Variants in INTS8 observed in about 807,000 individuals in gnomAD.
INTS8 encodes integrator complex subunit 8, also known as protein kaonashi-1.
A neutral mutation model predicts 138.9 loss-of-function variants in INTS8; 47 were observed. The ratio of observed to expected loss-of-function variants is 0.34; its 90% CI spans 0.27 to 0.43. INTS8 has a LOEUF of 0.43. Ranked by LOEUF, INTS8 falls within the 20% of genes least tolerant of loss-of-function variation. INTS8 has a pLI of 1.00. For synonymous variants in INTS8, 392 were observed against 400.9 expected, an observed-to-expected ratio of 0.98 and a Z score of 0.27; for missense variants, 996 against 1,173.0, an observed-to-expected ratio of 0.85 and a Z score of 2.20.
chr8:94,871,181 T>C (rs529944872), intron 20 of INTS8, among the ~76,000 whole-genome samples: 11 of 151,904 alleles, frequency 7.2e-5, no homozygotes, highest in Non-Finnish European at 1.5e-4. Flanking sequence ...TAAAAATCAT[T>C]TGGGGGCCAG....
chr8:94,834,977 T>G (rs557934761), intron 6 of INTS8, among the ~76,000 whole-genome samples: 5 of 152,308 alleles, frequency 3.3e-5, no homozygotes, highest in Admixed American at 2.6e-4. Flanking sequence ...GTATCTCATG[T>G]GAATGGGGAC....
Position 94,860,849 on chromosome 8 carries a change from A to G in INTS8, c.2076+1217A>G, listed in dbSNP as rs182481743. ...GACGGGCAGATCACGAGGTCAGGAG[A>G]TGGAGACCATCCTGGCTAACAAGGT... On this transcript the variant is annotated intron_variant, in intron 16 of 26. Coordinates refer to ENST00000523731, the MANE Select transcript of INTS8 (RefSeq NM_017864.4). 7.2e-3 allele frequency among the ~76,000 whole-genome samples: 1,089 copies of G among 151,786 alleles called. 17 individuals carry two copies. Among genetic ancestry groups the G allele is most frequent in the Non-Finnish European group, 8.6e-3 (581 of 67,920 alleles).
chr8:94,849,135 G>A (rs1739399456), intron 10 of INTS8, among the ~76,000 whole-genome samples: 1 of 151,794 alleles, frequency 6.6e-6, no homozygotes, highest in South Asian at 2.1e-4. Flanking sequence ...TTTTCTGACA[G>A]GAGCTACTGA....
chr8:94,829,743 G>A (rs1277767689), intron 5 of INTS8, among the ~76,000 whole-genome samples: 1 of 152,158 alleles, frequency 6.6e-6, no homozygotes, highest in African/African-American at 2.4e-5. Context: ...AGTTTTAATA[G>A]TAGAGTACTA....
intron 26 of INTS8, 141 bp downstream of exon 26, chr8:94,876,630 C>G: frequency 1.9e-6 from 1 of 534,102 alleles, no homozygotes; most frequent in East Asian, 3.1e-5. Context: ...TATAAAAGAT[C>G]CTTTTTTGAT....
chr8:94,832,228 T>A (rs1424820689), intron 6 of INTS8, 54 bp downstream of exon 6: 5 of 1,273,174 alleles, frequency 3.9e-6, no homozygotes, highest in Non-Finnish European at 5.6e-6. Flanking sequence ...AATCTTAATA[T>A]GAGATCATCC....
chr8:94,851,632 A>G lies in INTS8; in HGVS notation c.1587A>G (p.Leu529=). Reference sequence around the variant, plus strand: ...ATCCTTGGAGGATTAGACAAATTTTAATTGAATTACATGGTATGACTTCAG... The same window carrying G: ...ATCCTTGGAGGATTAGACAAATTTTGATTGAATTACATGGTATGACTTCAG... ...SVDPWRIRQI[L]IELHGMTSER... is the part of the protein sequence containing the mutation. Residue 529 remains leucine, a synonymous_variant, in exon 13 of 27, where the codon TTA becomes TTG. Transcript: ENST00000523731. 1 of 1,604,104 alleles carries G rather than the reference A, an allele frequency of 6.2e-7. No individual in the cohort carries two copies. Among genetic ancestry groups the G allele is most frequent in the Non-Finnish European group, 8.5e-7 (1 of 1,176,356 alleles).
At chr8:94,854,611 G>A (rs372423250) in intron 14 of INTS8, among the ~76,000 whole-genome samples, 2 of 152,190 alleles carry the variant, frequency 1.3e-5, no homozygotes, top group Admixed American at 1.3e-4. Flanking sequence ...GTGCAGTTGC[G>A]TGACTGATCA....
rs1814568123 is a variant in INTS8, at chr8:94,827,866, T to C, written c.518+73T>C. 8 of 1,168,796 alleles carry C rather than the reference T, an allele frequency of 6.8e-6. No individual in the cohort carries two copies. In the East Asian group the frequency reaches 1.6e-4, roughly 24 times the overall value. The allele number at this position is 1,168,796 out of a possible 1,614,324, so 72.4% of individuals were successfully genotyped here. A position where few individuals can be genotyped will look rare whatever the true frequency, so the allele number is the denominator to read the frequency against. ...TTTAAAAATGTTTGCAAGTTTTTAA[T>C]AACCTCTGTTATAGAAGAAGTAGAG... On this transcript the variant is annotated intron_variant, in intron 4 of 26. Transcript: ENST00000523731.
chr8:94,871,979 T>C lies in INTS8; in HGVS notation c.2510T>C (p.Ile837Thr). 2 of 1,568,462 alleles carry C rather than the reference T, an allele frequency of 1.3e-6. No individual in the cohort carries two copies. The highest frequency in any genetic ancestry group is 1.8e-6 in the Non-Finnish European group (2 of 1,140,608). The change falls in exon 21 of 27, where the codon ATT (isoleucine) becomes ACT (threonine). Residue 837 changes from isoleucine to threonine, a missense_variant. Ile to Thr is a moderately conservative substitution (Grantham distance 89, BLOSUM62 -1). Transcript: ENST00000523731. ...AATCCAAATAACCATTCTTGGTTAA[T>C]TATCCAGGCAGATATTTACTTTGGT... ...SINPNNHSWL[I>T]IQADIYFATN...
intron 23 of INTS8, 150 bp downstream of exon 23, chr8:94,874,752 T>A (rs528805108): frequency 5.3e-5 from 27 of 511,930 alleles, no homozygotes; most frequent in East Asian, 2.0e-4. Flanking sequence ...TAAATTTTTT[T>A]AAATAGTTTA....
intron 8 of INTS8, among the ~76,000 whole-genome samples, chr8:94,839,668 A>C (rs1815063023): frequency 6.6e-6 from 1 of 152,238 alleles, no homozygotes; most frequent in African/African-American, 2.4e-5. Flanking sequence ...TAAAGACTAG[A>C]GCTCTCTCAG....
chr8:94,865,027 G>A (rs1314564138), intron 16 of INTS8, among the ~76,000 whole-genome samples: 2 of 148,838 alleles, frequency 1.3e-5, no homozygotes, highest in Non-Finnish European at 3.0e-5. Context: ...TTTTTTTTTA[G>A]TGATTAAAAG....
chr8:94,837,806 G>A (rs1449817166), intron 7 of INTS8, among the ~76,000 whole-genome samples: 1 of 151,842 alleles, frequency 6.6e-6, no homozygotes, highest in African/African-American at 2.4e-5. Context: ...CTTTGTAAAG[G>A]GTCAGTTAGC....
At chr8:94,853,963 T>G in intron 14 of INTS8, 48 bp downstream of exon 14, 1 of 1,174,968 alleles carries the variant, frequency 8.5e-7, no homozygotes, top group Non-Finnish European at 1.3e-6. Context: ...TGCTTTATGG[T>G]CAGGTGCCGT....
At chr8:94,836,765 T>C (rs1216410923) in intron 7 of INTS8, 134 bp downstream of exon 7, 1 of 566,600 alleles carries the variant, frequency 1.8e-6, no homozygotes, top group Non-Finnish European at 3.1e-6. Flanking sequence ...GTACTAAAAC[T>C]GGTTTTTAAA....
intron 16 of INTS8, among the ~76,000 whole-genome samples, chr8:94,861,754 G>T (rs575757498): frequency 6.7e-6 from 1 of 148,938 alleles, no homozygotes; most frequent in Non-Finnish European, 1.5e-5. Context: ...GTTTCTCCAT[G>T]TTAGTCAGGC....
chr8:94,867,454 A>G (rs955022536), intron 20 of INTS8, 117 bp downstream of exon 20: 6 of 717,828 alleles, frequency 8.4e-6, no homozygotes, highest in Non-Finnish European at 1.4e-5. Context: ...AAGATTCTAC[A>G]GTCTTTGTGT....
rs144127105 is a variant in INTS8, at chr8:94,850,080, A to G, written c.1496A>G (p.Tyr499Cys). 6.8e-5 allele frequency: 109 copies of G among 1,597,744 alleles called. 1 individual carries two copies. The Admixed American group carries it at 8.3e-4, about 12-fold the overall frequency. Residue 499 changes from tyrosine to cysteine, a missense_variant, in exon 12 of 27, where the codon TAT (tyrosine) becomes TGT (cysteine). Transcript: ENST00000523731. Reference sequence around the variant, plus strand: ...TGCATTAAACCTGTAACTTCATTTTATGATATCCCAGGTTAGCTCTCTAGT... The same window carrying G: ...TGCATTAAACCTGTAACTTCATTTTGTGATATCCCAGGTTAGCTCTCTAGT... ...NLCIKPVTSF[Y>C]DIPASASVNI...
Sources: gnomAD v4.1 joint callset for allele counts (sites outside exome capture counted in the v4.1 genomes callset) on GRCh38, gnomAD v4.1.1 for gene constraint, MANE v1.5 for transcripts, NCBI Gene and HGNC (gene_info 2026-07-23, HGNC 2026-07-21) for gene names.